Variants in SSBP2 observed in about 807,000 individuals in gnomAD.
SSBP2 encodes the protein single stranded DNA binding protein 2.
In SSBP2, 17 loss-of-function variants were observed where a neutral mutation model predicts 61.8. The observed-to-expected ratio is 0.28, with a 90% confidence interval of 0.19 to 0.41. The LOEUF is 0.41. Ranked by LOEUF, SSBP2 falls within the 10% of genes least tolerant of loss-of-function variation. The pLI, the probability that SSBP2 is intolerant of heterozygous loss-of-function variation, is 1.00. For synonymous variants in SSBP2, 139 were observed against 141.3 expected (o/e 0.98, Z 0.12); for missense variants, 310 against 458.7 (o/e 0.68, Z 2.96).
rs1447575866 is a variant in SSBP2 at position 81,413,300 on chromosome 5, CACAT to C, written c.*7200_*7203del. 1 of 152,222 alleles carries C rather than the reference CACAT, an allele frequency of 6.6e-6. No individual in the cohort carries two copies. The highest frequency in any genetic ancestry group is 1.5e-5 in the Non-Finnish European group (1 of 68,030). 9.4% of individuals were successfully genotyped at this position (152,222 alleles called of 1,614,324 possible). The stretch of plus-strand genomic sequence containing the variant: ...AGTAATGTGCACATGCACGCACACA[CACAT>C]ACACGAACACACATACACAGATGCT... On this transcript the variant is annotated 3_prime_UTR_variant, in exon 17 of 17. Coordinates refer to ENST00000320672, the MANE Select transcript of SSBP2 (RefSeq NM_012446.5).
At chr5:81,508,006 T>C (rs1768311096) in intron 5 of SSBP2, among the ~76,000 whole-genome samples, 1 of 152,162 alleles carries the variant, frequency 6.6e-6, no homozygotes, top group African/African-American at 2.4e-5. Flanking sequence ...ATCAAAGTCC[T>C]TTGCCTGTCC....
intron 4 of SSBP2, among the ~76,000 whole-genome samples, chr5:81,559,591 A>T (rs1772883508): frequency 6.6e-6 from 1 of 151,962 alleles, no homozygotes; most frequent in Admixed American, 6.6e-5. Context: ...AATAGAAATG[A>T]ACTGCAAACC....
upstream of SSBP2, chr5:81,751,240 G>C: frequency 1.7e-6 from 1 of 602,004 alleles, no homozygotes; most frequent in Non-Finnish European, 2.9e-6. Flanking sequence ...GAAGCGCGCG[G>C]TGGCGGCTAA....
intron 4 of SSBP2, among the ~76,000 whole-genome samples, chr5:81,558,570 C>T (rs1020749993): frequency 1.3e-5 from 2 of 152,166 alleles, no homozygotes; most frequent in Non-Finnish European, 2.9e-5. Flanking sequence ...TTTTGCATGT[C>T]TAAACTAAAG....
chr5:81,693,425 C>T (rs1445167381), intron 1 of SSBP2, among the ~76,000 whole-genome samples: 1 of 152,044 alleles, frequency 6.6e-6, no homozygotes, highest in Non-Finnish European at 1.5e-5. Context: ...TGCAAACTAT[C>T]CACCTAACAG....
chr5:81,718,030 C>T (rs995946574), intron 1 of SSBP2, among the ~76,000 whole-genome samples: 2 of 152,098 alleles, frequency 1.3e-5, no homozygotes, highest in African/African-American at 2.4e-5. Context: ...TCTCTTGTAC[C>T]GCCCTTAGGA....
intron 1 of SSBP2, among the ~76,000 whole-genome samples, chr5:81,727,869 C>T (rs774581811): frequency 1.3e-5 from 2 of 152,052 alleles, no homozygotes; most frequent in Non-Finnish European, 2.9e-5. Context: ...TTACAGGATA[C>T]AAGTGAAACA....
intron 1 of SSBP2, among the ~76,000 whole-genome samples, chr5:81,724,454 C>T (rs1755740981): frequency 6.6e-6 from 1 of 151,932 alleles, no homozygotes; most frequent in African/African-American, 2.4e-5. Context: ...GAACACAGTG[C>T]AAAGCCACTG....
At chr5:81,718,309 G>C (rs1393996780) in intron 1 of SSBP2, among the ~76,000 whole-genome samples, 7 of 152,116 alleles carry the variant, frequency 4.6e-5, no homozygotes, top group Non-Finnish European at 1.0e-4. Context: ...AGGGCTAAGA[G>C]GAATGAGTAG....
chr5:81,595,339 G>A (rs1272264218), intron 4 of SSBP2, among the ~76,000 whole-genome samples: 2 of 152,120 alleles, frequency 1.3e-5, no homozygotes, highest in Non-Finnish European at 2.9e-5. Flanking sequence ...TGAAATTGAG[G>A]CAATAATCAA....
chr5:81,606,117 G>C (rs1402970079), intron 4 of SSBP2, among the ~76,000 whole-genome samples: 1 of 152,098 alleles, frequency 6.6e-6, no homozygotes, highest in African/African-American at 2.4e-5. Flanking sequence ...TTGGCTAAGA[G>C]TAACTGAAGG....
chr5:81,669,053 G>A (rs1297481955), intron 1 of SSBP2, among the ~76,000 whole-genome samples: 5 of 152,062 alleles, frequency 3.3e-5, no homozygotes, highest in Admixed American at 6.6e-5. Flanking sequence ...AGACAAAATG[G>A]AAGTAGCCTG....
At chr5:81,635,759 A>AT (rs1561635470) in intron 3 of SSBP2, among the ~76,000 whole-genome samples, 1 of 151,446 alleles carries the variant, frequency 6.6e-6, no homozygotes, top group African/African-American at 2.4e-5. Flanking sequence ...AATTTTTTCT[A>AT]TTTTTTAGTA....
intron 4 of SSBP2, among the ~76,000 whole-genome samples, chr5:81,583,107 A>G (rs922395990): frequency 1.3e-5 from 2 of 152,030 alleles, no homozygotes; most frequent in African/African-American, 4.8e-5. Context: ...ATGTACCACC[A>G]TGGGAAGTCT....
intron 1 of SSBP2, among the ~76,000 whole-genome samples, chr5:81,692,140 T>G (rs955874137): frequency 1.3e-5 from 2 of 152,180 alleles, no homozygotes; most frequent in Non-Finnish European, 2.9e-5. Context: ...CTATTGGAAG[T>G]GACAAACAAA....
chr5:81,615,176 T>A (rs1745883397), intron 4 of SSBP2: 1 of 207,964 alleles, frequency 4.8e-6, no homozygotes. Context: ...AATAAAAAAA[T>A]TACTATATAT....
At chr5:81,486,139 T>C (rs1766364185) in intron 6 of SSBP2, among the ~76,000 whole-genome samples, 1 of 152,152 alleles carries the variant, frequency 6.6e-6, no homozygotes, top group Non-Finnish European at 1.5e-5. Context: ...TACAATTGTT[T>C]TAAAATACAT....
chr5:81,712,821 C>G (rs935756050), intron 1 of SSBP2, among the ~76,000 whole-genome samples: 1 of 151,522 alleles, frequency 6.6e-6, no homozygotes, highest in Non-Finnish European at 1.5e-5. Context: ...CAGCCTTGAC[C>G]TCCTGGGCTC....
At chr5:81,503,615 C>T (rs935304102) in intron 5 of SSBP2, among the ~76,000 whole-genome samples, 8 of 152,156 alleles carry the variant, frequency 5.3e-5, no homozygotes, top group African/African-American at 1.9e-4. Flanking sequence ...ATTCAACTAG[C>T]AATCCTGTTA....
Sources: gnomAD v4.1 joint callset for allele counts (sites outside exome capture counted in the v4.1 genomes callset) on GRCh38, gnomAD v4.1.1 for gene constraint, MANE v1.5 for transcripts, NCBI Gene and HGNC (gene_info 2026-07-23, HGNC 2026-07-21) for gene names.